The following IQSEC1 variants were observed in gnomAD, a reference collection of about 807,000 sequenced individuals.
IQSEC1 encodes IQ motif and SEC7 domain-containing protein 1.
Under a neutral mutation model 91.0 loss-of-function variants are expected in IQSEC1, and 31 were observed. The observed-to-expected ratio is 0.34, with a 90% CI of 0.26 to 0.46. The LOEUF (loss-of-function observed/expected upper bound fraction) is 0.46, where lower values mean the gene tolerates loss of function less well. IQSEC1 is among the 20% of genes least tolerant of loss of function. IQSEC1 has a pLI of 1.00. For missense variants in IQSEC1, 1,388 were observed against 1,575.6 expected (o/e 0.88, Z 2.02); for synonymous variants, 699 against 662.6 (o/e 1.05, Z -0.84).
At chr3:13,073,670 G>A (rs1384116792), upstream of IQSEC1, among the ~76,000 whole-genome samples, 2 of 152,246 alleles carry the variant, frequency 1.3e-5, no homozygotes, top group Admixed American at 1.3e-4. Flanking sequence ...GCGCCGCGCG[G>A]AGCCTACGAT....
At chr3:13,248,049 G>T (rs947905357) in intron 1 of IQSEC1, among the ~76,000 whole-genome samples, 1 of 152,154 alleles carries the variant, frequency 6.6e-6, no homozygotes, top group African/African-American at 2.4e-5. Context: ...GGTTCTTAAG[G>T]TTCCCCTGGA....
chr3:13,147,267 A>G (rs1398396151), intron 2 of IQSEC1, among the ~76,000 whole-genome samples: 2 of 152,210 alleles, frequency 1.3e-5, no homozygotes, highest in Non-Finnish European at 2.9e-5. Flanking sequence ...AGGGGTCACC[A>G]GGGTAGTGTA....
At chr3:13,013,038 G>A (rs1037496314) in intron 1 of IQSEC1, among the ~76,000 whole-genome samples, 1 of 141,010 alleles carries the variant, frequency 7.1e-6, no homozygotes, top group African/African-American at 2.7e-5. Context: ...TAGGCTCACT[G>A]CAACCTCTGC....
Position 12,900,771 on chromosome 3 carries a change from A to C in IQSEC1, c.*212T>G. The C allele has an allele frequency of 3.5e-6, 5 of 1,439,378 alleles. No homozygotes were observed. The highest frequency in any genetic ancestry group is 4.5e-6 in the Non-Finnish European group (5 of 1,101,336). The allele number at this position is 1,439,378 out of a possible 1,614,324, so 89.2% of individuals were successfully genotyped here. A position where few individuals can be genotyped will look rare whatever the true frequency, so the allele number is the denominator to read the frequency against. ...CCATCCCTCAGACTGAGGTGAGCAG[A>C]GCCCAGGGTGCCAACAAGAAATGAA... On this transcript the variant is annotated 3_prime_UTR_variant, in exon 14 of 14. Coordinates refer to ENST00000613206, the MANE Select transcript of IQSEC1 (RefSeq NM_001134382.3).
At chr3:13,072,387 C>G (rs918679864) in intron 1 of IQSEC1, among the ~76,000 whole-genome samples, 2 of 152,224 alleles carry the variant, frequency 1.3e-5, no homozygotes, top group African/African-American at 4.8e-5. Context: ...CATAAATACC[C>G]GGGCCCGTGA....
At chr3:13,256,574 C>T (rs772329627) in intron 1 of IQSEC1, among the ~76,000 whole-genome samples, 4 of 152,186 alleles carry the variant, frequency 2.6e-5, no homozygotes, top group Non-Finnish European at 4.4e-5. Context: ...CTAAGAGCCA[C>T]ACCCTCCTGA....
intron 2 of IQSEC1, among the ~76,000 whole-genome samples, chr3:13,154,120 C>T (rs569010503): frequency 6.6e-6 from 1 of 151,946 alleles, no homozygotes; most frequent in South Asian, 2.1e-4. Flanking sequence ...AGCCAAGGGT[C>T]CCCACAACAC....
At chr3:13,081,787 G>A (rs1202066747) in intron 2 of IQSEC1, among the ~76,000 whole-genome samples, 5 of 152,242 alleles carry the variant, frequency 3.3e-5, no homozygotes, top group East Asian at 1.9e-4. Context: ...CTGGCCCAGT[G>A]ACCTTGGGCG....
At position 13,214,503 on chromosome 3, in the gene IQSEC1, T is replaced by G. The variant is rs1202532512; in HGVS notation, c.273-50370A>C. The stretch of plus-strand genomic sequence containing the variant: ...AGCCCTCCTTCCTCCAAGAAACAAA[T>G]GGGAAACTCCCTTTCATGGCCTCCA... On this transcript the variant is annotated intron_variant, in intron 1 of 15. Coordinates refer to the IQSEC1 transcript ENST00000648114. This position sits in a 1 kb window ranked among gnomAD's most constrained non-coding sequence, Gnocchi z 4.5. 1.3e-5 allele frequency among the ~76,000 whole-genome samples: 2 copies of G among 152,214 alleles called. No individual in the cohort carries two copies. Among genetic ancestry groups the G allele is most frequent in the African/African-American group, 2.4e-5 (1 of 41,466 alleles).
At chr3:13,074,090 G>T (rs1432698248), upstream of IQSEC1, among the ~76,000 whole-genome samples, 2 of 152,214 alleles carry the variant, frequency 1.3e-5, no homozygotes, top group Non-Finnish European at 2.9e-5. Context: ...GGGAAGCCAG[G>T]AAGTAAGTGT....
intron 1 of IQSEC1, among the ~76,000 whole-genome samples, chr3:13,055,416 T>C (rs1704841563): frequency 6.6e-6 from 1 of 152,188 alleles, no homozygotes; most frequent in Admixed American, 6.5e-5. Context: ...CTTCATCCAA[T>C]CTAGTCTCCA....
intron 1 of IQSEC1, among the ~76,000 whole-genome samples, chr3:13,172,875 C>A (rs983991693): frequency 6.6e-6 from 1 of 152,178 alleles, no homozygotes; most frequent in Non-Finnish European, 1.5e-5. Context: ...AGTGTTCCCC[C>A]CTGTGCCCTG....
intron 10 of IQSEC1, among the ~76,000 whole-genome samples, chr3:12,911,100 G>A (rs1252394774): frequency 6.6e-6 from 1 of 152,242 alleles, no homozygotes; most frequent in South Asian, 2.1e-4. Flanking sequence ...GCAAAGCACT[G>A]TGTTCCGGCA....
At chr3:13,009,470 C>G (rs1260690640) in intron 1 of IQSEC1, among the ~76,000 whole-genome samples, 8 of 152,018 alleles carry the variant, frequency 5.3e-5, no homozygotes, top group Non-Finnish European at 4.4e-5. Context: ...GCTCTCCGCC[C>G]TGGCCCTGAG....
intron 2 of IQSEC1, among the ~76,000 whole-genome samples, chr3:13,096,478 A>C (rs541680919): frequency 3.3e-4 from 50 of 152,320 alleles, no homozygotes; most frequent in Admixed American, 9.1e-4. Context: ...GTCTAGCAAG[A>C]ATCAAGTATT....
intron 1 of IQSEC1, among the ~76,000 whole-genome samples, chr3:13,268,324 T>C (rs530046524): frequency 3.3e-5 from 5 of 152,348 alleles, no homozygotes; most frequent in African/African-American, 1.2e-4. Context: ...AGTTTTCTCA[T>C]CTTCATAATG....
chr3:13,146,064 T>G lies in IQSEC1; in HGVS notation c.302+18040A>C, dbSNP rs537931966. On this transcript the variant is annotated intron_variant, in intron 2 of 15. Coordinates refer to the IQSEC1 transcript ENST00000648114. ...GTGCAGTGGTGCAATCATCGCTCAC[T>G]GCAGCCTTGAACTCCTGGGCTCAAG... Among the ~76,000 whole-genome samples the G allele has an allele frequency of 6.6e-5, 10 of 152,216 alleles. No individual in the cohort carries two copies. In the South Asian group the frequency reaches 2.1e-3, roughly 32 times the overall value.
chr3:12,986,069 C>T (rs551542833), intron 1 of IQSEC1, among the ~76,000 whole-genome samples: 1 of 152,296 alleles, frequency 6.6e-6, no homozygotes, highest in East Asian at 1.9e-4. Context: ...CCTGAGCGAC[C>T]TGAGGAGGGA....
At chr3:13,260,198 A>G (rs1049044832) in intron 1 of IQSEC1, among the ~76,000 whole-genome samples, 2 of 152,200 alleles carry the variant, frequency 1.3e-5, no homozygotes, top group Admixed American at 1.3e-4. Flanking sequence ...GGAGGGAAGG[A>G]AAGTTGCAAC....
Sources: gnomAD v4.1 joint callset for allele counts (sites outside exome capture counted in the v4.1 genomes callset) on GRCh38, gnomAD v4.1.1 for gene constraint, Gnocchi (gnomAD v3.1) non-coding constraint, MANE v1.5 for transcripts, NCBI Gene and HGNC (gene_info 2026-07-23, HGNC 2026-07-21) for gene names.